Variants in TANC2 observed in about 807,000 individuals in gnomAD.
The protein encoded by TANC2 is protein TANC2.
In TANC2, 26 loss-of-function variants were observed where a neutral mutation model predicts 210.5. The ratio of observed to expected loss-of-function variants is 0.12; its 90% confidence interval spans 0.09 to 0.17. The LOEUF (loss-of-function observed/expected upper bound fraction) is 0.17. Ranked by LOEUF, TANC2 falls within the 10% of genes least tolerant of loss-of-function variation. TANC2 has a pLI of 1.00. For synonymous variants in TANC2, 931 were observed against 967.1 expected, an observed-to-expected ratio of 0.96 and a Z score of 0.69; for missense variants, 2,129 against 2,608.9, an observed-to-expected ratio of 0.82 and a Z score of 4.01.
intron 7 of TANC2, among the ~76,000 whole-genome samples, chr17:63,203,111 C>T (rs1265250493): frequency 2.0e-5 from 3 of 152,110 alleles, no homozygotes; most frequent in Admixed American, 6.6e-5. Context: ...ATGAAATACT[C>T]CCAGATTATT....
chr17:63,198,899 T>C (rs1486342729), intron 6 of TANC2, among the ~76,000 whole-genome samples: 2 of 152,230 alleles, frequency 1.3e-5, no homozygotes, highest in Non-Finnish European at 2.9e-5. Flanking sequence ...AAGAGAAATT[T>C]GGATACGTTT....
At chr17:63,372,193 G>A (rs2047289204) in intron 14 of TANC2, among the ~76,000 whole-genome samples, 1 of 152,144 alleles carries the variant, frequency 6.6e-6, no homozygotes, top group African/African-American at 2.4e-5. Context: ...TATTCTTCCT[G>A]TTAGCGTAAT....
intron 1 of TANC2, among the ~76,000 whole-genome samples, chr17:62,977,554 A>G (rs2143355418): frequency 6.6e-6 from 1 of 152,286 alleles, no homozygotes; most frequent in African/African-American, 2.4e-5. Flanking sequence ...GTAGGCATTT[A>G]TTGGTTGTCA....
At chr17:63,041,832 T>C (rs546643504) in intron 2 of TANC2, among the ~76,000 whole-genome samples, 2 of 152,178 alleles carry the variant, frequency 1.3e-5, no homozygotes, top group African/African-American at 4.8e-5. Context: ...AGGACACTCA[T>C]AGTAACTCTT....
At chr17:63,196,091 C>A (rs1045168119) in intron 6 of TANC2, among the ~76,000 whole-genome samples, 2 of 152,204 alleles carry the variant, frequency 1.3e-5, no homozygotes, top group Non-Finnish European at 2.9e-5. Context: ...CATCCATATA[C>A]CCCTATGCTT....
chr17:63,129,826 AAT>A (rs1362857228), intron 4 of TANC2, among the ~76,000 whole-genome samples: 1 of 152,190 alleles, frequency 6.6e-6, no homozygotes, highest in Non-Finnish European at 1.5e-5. Context: ...ATGAGCACTG[AAT>A]ATTACATCAT....
rs185900176 is a variant in TANC2, at chr17:63,393,113, T to C, written c.3052-2630T>C. Among the ~76,000 whole-genome samples, 141 of 152,350 alleles carry C rather than the reference T, an allele frequency of 9.3e-4. 1 individual carries two copies. Among genetic ancestry groups the C allele is most frequent in the Non-Finnish European group, 7.3e-5 (5 of 68,028 alleles). ...TTAGTCTCCTCCAACCTGTGAGAGT[T>C]TCTCAGTCTTTGTTGATCTTTTATG... On this transcript the variant is annotated intron_variant, in intron 17 of 27. Transcript: ENST00000689528.
intron 9 of TANC2, among the ~76,000 whole-genome samples, chr17:63,313,862 G>A (rs559602735): frequency 2.6e-5 from 4 of 152,252 alleles, no homozygotes; most frequent in South Asian, 2.1e-4. Flanking sequence ...CAACTGATAC[G>A]TACTGGTATA....
At chr17:63,177,960 G>A (rs991961727) in intron 5 of TANC2, among the ~76,000 whole-genome samples, 3 of 152,150 alleles carry the variant, frequency 2.0e-5, no homozygotes, top group Non-Finnish European at 2.9e-5. Context: ...TCTCTATTTT[G>A]CAACTCTTGT....
intron 3 of TANC2, among the ~76,000 whole-genome samples, chr17:63,076,118 A>G (rs1324986546): frequency 1.3e-5 from 2 of 152,178 alleles, no homozygotes; most frequent in African/African-American, 2.4e-5. Context: ...ATTGGTTGAA[A>G]GTCAGATGAA....
chr17:63,193,801 C>G (rs563323958), intron 5 of TANC2, 190 bp from the exon 6 acceptor site: 6 of 525,344 alleles, frequency 1.1e-5, no homozygotes, highest in African/African-American at 3.9e-5. Flanking sequence ...TTATTTGATT[C>G]GTGTAAATTT....
In TANC2 at chr17:63,099,374, A is replaced by G; in HGVS notation, c.322+17A>G. The G allele has an allele frequency of 6.8e-7, 1 of 1,469,426 alleles. No individual in the cohort carries two copies. Among genetic ancestry groups the G allele is most frequent in the Non-Finnish European group, 9.1e-7 (1 of 1,099,038 alleles). 91.0% of individuals were successfully genotyped at this position (1,469,426 alleles called of 1,614,324 possible). On this transcript the variant is annotated intron_variant, in intron 4 of 27. Transcript: ENST00000689528. ...AGTTAACTGGTAAGGACTTTACCTA[A>G]ATTTAGTATGTTTAACAGGAAACCT...
At chr17:63,179,973 TAAAA>T (rs34426210) in intron 5 of TANC2, among the ~76,000 whole-genome samples, 6 of 123,264 alleles carry the variant, frequency 4.9e-5, no homozygotes, top group Non-Finnish European at 3.4e-5. Context: ...TACATCTCTT[TAAAA>T]AAAAAAAAAA....
chr17:62,982,157 C>T (rs1214324171), intron 1 of TANC2, among the ~76,000 whole-genome samples: 1 of 152,148 alleles, frequency 6.6e-6, no homozygotes, highest in Non-Finnish European at 1.5e-5. Flanking sequence ...CTAGCATAGC[C>T]AGCACCTATC....
At position 63,421,098 on chromosome 17, in the gene TANC2, C is replaced by G; in HGVS notation, c.5368C>G (p.Arg1790Gly). 1 of 1,613,940 alleles carries G rather than the reference C, an allele frequency of 6.2e-7. No homozygotes were observed. Among genetic ancestry groups the G allele is most frequent in the Non-Finnish European group, 8.5e-7 (1 of 1,179,874 alleles). Residue 1790 changes from arginine to glycine, a missense_variant, in exon 28 of 28, where the codon CGA becomes GGA. Physicochemically the swap from Arg to Gly is moderately radical, Grantham distance 125. Coordinates refer to ENST00000689528, the Ensembl canonical transcript of TANC2. This position sits in a 1 kb window ranked among gnomAD's most constrained non-coding sequence, Gnocchi z 6.9. ...TCCACAGCGACCTTCCTCAGCATACCGAGGTGGCGTGAGATACAGCCAGAC... is the reference window on the plus strand; with the variant it reads ...TCCACAGCGACCTTCCTCAGCATACGGAGGTGGCGTGAGATACAGCCAGAC...
chr17:63,090,147 A>G (rs1431100787), intron 3 of TANC2, among the ~76,000 whole-genome samples: 2 of 151,716 alleles, frequency 1.3e-5, no homozygotes, highest in African/African-American at 2.4e-5. Context: ...AGTATTTCCC[A>G]GAATATTCTG....
intron 18 of TANC2, among the ~76,000 whole-genome samples, chr17:63,397,490 A>G (rs1408752818): frequency 6.6e-6 from 1 of 152,202 alleles, no homozygotes; most frequent in African/African-American, 2.4e-5. Flanking sequence ...TATGTGATCT[A>G]CTGTTAAACT....
Position 63,383,539 on chromosome 17 carries a change from G to A in TANC2, c.2691+3713G>A, listed in dbSNP as rs552469623. ...TCTACATGTCTTTTTTGGCTTGATA[G>A]TTCATTTCTTTTTATTGCTGAATAA... On this transcript the variant is annotated intron_variant, in intron 15 of 27. Coordinates refer to ENST00000689528, the Ensembl canonical transcript of TANC2. Among the ~76,000 whole-genome samples, 14 of 152,194 alleles carry A rather than the reference G, an allele frequency of 9.2e-5. No individual in the cohort carries two copies. The South Asian group carries it at 2.7e-3, about 29-fold the overall frequency.
intron 5 of TANC2, among the ~76,000 whole-genome samples, chr17:63,158,057 A>G (rs1183634906): frequency 1.3e-5 from 2 of 152,204 alleles, no homozygotes; most frequent in Non-Finnish European, 2.9e-5. Flanking sequence ...CATGCAGTCT[A>G]TATATAAATA....
Sources: allele counts gnomAD v4.1 joint callset (sites outside exome capture counted in the v4.1 genomes callset), GRCh38; gene constraint gnomAD v4.1.1; non-coding constraint Gnocchi (gnomAD v3.1); transcripts MANE v1.5; gene names NCBI Gene and HGNC (gene_info 2026-07-23, HGNC 2026-07-21).